Variants in SOX6 observed in about 807,000 individuals in gnomAD.
The protein encoded by SOX6 is transcription factor SOX-6.
SOX6 carries 11 observed loss-of-function variants against 97.8 expected under a neutral mutation model. The ratio of observed to expected loss-of-function variants is 0.11; its 90% CI spans 0.07 to 0.19. The LOEUF (loss-of-function observed/expected upper bound fraction) is 0.19. Among genes scored for constraint, SOX6 ranks in the 10% least tolerant of loss-of-function variants. The pLI, the probability that SOX6 is intolerant of heterozygous loss-of-function variation, is 1.00. For missense variants in SOX6, 810 were observed against 1,039.5 expected (o/e 0.78, Z 3.04); for synonymous variants, 360 against 371.4 (o/e 0.97, Z 0.35).
At chr11:16,733,585 G>T (rs1221884262) in intron 2 of SOX6, among the ~76,000 whole-genome samples, 1 of 151,556 alleles carries the variant, frequency 6.6e-6, no homozygotes, top group African/African-American at 2.4e-5. Flanking sequence ...TTGGGGGTGG[G>T]GGGCTAGGGG....
intron 15 of SOX6, among the ~76,000 whole-genome samples, chr11:15,975,792 T>C (rs541681179): frequency 4.2e-4 from 64 of 152,058 alleles, no homozygotes; most frequent in African/African-American, 1.5e-3. Flanking sequence ...CCCTAGCACA[T>C]ATCAAGATCA....
intron 4 of SOX6, among the ~76,000 whole-genome samples, chr11:16,556,469 A>G (rs1847750192): frequency 6.6e-6 from 1 of 151,820 alleles, no homozygotes; most frequent in Non-Finnish European, 1.5e-5. Flanking sequence ...ATATTCAAAT[A>G]CAATTAAAAG....
chr11:16,661,715 T>A (rs1481470548), intron 3 of SOX6, among the ~76,000 whole-genome samples: 1 of 152,008 alleles, frequency 6.6e-6, no homozygotes, highest in South Asian at 2.1e-4. Context: ...GTGCAGCTAA[T>A]TTTTTTTACT....
At chr11:16,237,044 T>G (rs1391392390) in intron 3 of SOX6, among the ~76,000 whole-genome samples, 1 of 151,870 alleles carries the variant, frequency 6.6e-6, no homozygotes, top group Non-Finnish European at 1.5e-5. Context: ...ATGAAAATAT[T>G]TAATAGCAAC....
intron 3 of SOX6, among the ~76,000 whole-genome samples, chr11:16,614,101 A>T (rs1401657876): frequency 6.6e-6 from 1 of 152,220 alleles, no homozygotes; most frequent in Non-Finnish European, 1.5e-5. Context: ...CGGGCCAAAG[A>T]GTCTGCAGCT....
At chr11:16,025,208 C>A (rs563125194) in intron 12 of SOX6, among the ~76,000 whole-genome samples, 1 of 152,220 alleles carries the variant, frequency 6.6e-6, no homozygotes, top group East Asian at 1.9e-4. Flanking sequence ...TTAAGCAAAT[C>A]CAGTTGTGTG....
chr11:16,531,005 T>C (rs998238359), intron 4 of SOX6, among the ~76,000 whole-genome samples: 6 of 146,328 alleles, frequency 4.1e-5, no homozygotes, highest in South Asian at 4.2e-4. Context: ...AAAATATATA[T>C]ATTCCTCTAT....
intron 6 of SOX6, among the ~76,000 whole-genome samples, chr11:16,161,067 G>T (rs970172231): frequency 4.6e-5 from 7 of 151,976 alleles, no homozygotes; most frequent in Non-Finnish European, 7.4e-5. Flanking sequence ...AAAAAAAAGT[G>T]GGGGAGGGTG....
rs148334321 is a variant in SOX6, at chr11:16,364,747, G to A, written c.-4-23495C>T. Among the ~76,000 whole-genome samples the A allele has an allele frequency of 4.6e-5, 7 of 152,214 alleles. No homozygotes were observed. The East Asian group carries it at 7.7e-4, about 17-fold the overall frequency. ...ACTCAGAATGACTATGTATTTCAGA[G>A]GCCAGGAAGCTATCTTGTAAATCCA... On this transcript the variant is annotated intron_variant, in intron 1 of 15. Coordinates refer to the SOX6 transcript ENST00000396356.
intron 3 of SOX6, among the ~76,000 whole-genome samples, chr11:16,636,702 G>T (rs1848795499): frequency 6.6e-6 from 1 of 152,134 alleles, no homozygotes; most frequent in Admixed American, 6.5e-5. Context: ...GTTGTGGGAG[G>T]GACCTGGTGG....
chr11:16,734,733 T>A (rs1366143561), intron 2 of SOX6, among the ~76,000 whole-genome samples: 1 of 152,214 alleles, frequency 6.6e-6, no homozygotes, highest in Non-Finnish European at 1.5e-5. Context: ...ACCTCACCGA[T>A]TCATATATTA....
intron 4 of SOX6, among the ~76,000 whole-genome samples, chr11:16,580,587 G>A (rs917206462): frequency 1.3e-5 from 2 of 152,152 alleles, no homozygotes; most frequent in East Asian, 3.9e-4. Context: ...AATCAACCTA[G>A]GTGCTCATCA....
intron 3 of SOX6, among the ~76,000 whole-genome samples, chr11:16,666,884 A>G (rs1047779037): frequency 6.6e-6 from 1 of 152,172 alleles, no homozygotes; most frequent in Non-Finnish European, 1.5e-5. Context: ...TTAAAAGGGC[A>G]AATCTAAGAA....
intron 4 of SOX6, among the ~76,000 whole-genome samples, chr11:16,502,702 G>C (rs1590225756): frequency 6.6e-6 from 1 of 152,080 alleles, no homozygotes; most frequent in East Asian, 1.9e-4. Context: ...AATGAAGGAA[G>C]ACTATGTGAT....
chr11:16,659,108 G>A (rs976747057), intron 3 of SOX6, among the ~76,000 whole-genome samples: 6 of 152,084 alleles, frequency 3.9e-5, no homozygotes, highest in East Asian at 1.9e-4. Context: ...AAAAAATCAC[G>A]GCCAGAGCCA....
chr11:16,607,231 C>G lies in SOX6; in HGVS notation n.609+4850G>C, dbSNP rs1848345200. 6.5e-6 allele frequency: 1 copy of G among 152,950 alleles called. No homozygotes were observed. The highest frequency in any genetic ancestry group is 1.5e-5 in the Non-Finnish European group (1 of 68,702). 9.5% of individuals were successfully genotyped at this position (152,950 alleles called of 1,614,324 possible). A position where few individuals can be genotyped will look rare whatever the true frequency, so the allele number is the denominator to read the frequency against. ...AAGACGCCGGGGGACGGCGGCCCGG[C>G]CCTGGGCTCCTGCCCCCTGCCCCCT... On this transcript the variant is annotated intron_variant and non_coding_transcript_variant, in intron 4 of 5. Coordinates refer to the SOX6 transcript ENST00000524520. This position sits in a 1 kb window ranked among gnomAD's most constrained non-coding sequence, Gnocchi z 6.5.
intron 6 of SOX6, among the ~76,000 whole-genome samples, chr11:16,141,173 G>A (rs1044432792): frequency 3.9e-5 from 6 of 152,020 alleles, no homozygotes; most frequent in Non-Finnish European, 7.4e-5. Context: ...AAATAGTAAA[G>A]GTCATCCTAT....
chr11:16,484,176 G>A, intron 4 of SOX6: 1 of 789,110 alleles, frequency 1.3e-6, no homozygotes, highest in South Asian at 1.3e-5. Context: ...CTCTCCACCT[G>A]GAAATGGTTG....
At chr11:16,565,400 A>G (rs1433097240) in intron 4 of SOX6, among the ~76,000 whole-genome samples, 1 of 152,180 alleles carries the variant, frequency 6.6e-6, no homozygotes. Context: ...AATCTCTTCC[A>G]GAAAACAGAA....
Sources: gnomAD v4.1 joint callset for allele counts (sites outside exome capture counted in the v4.1 genomes callset) on GRCh38, gnomAD v4.1.1 for gene constraint, Gnocchi (gnomAD v3.1) non-coding constraint, MANE v1.5 for transcripts, NCBI Gene and HGNC (gene_info 2026-07-23, HGNC 2026-07-21) for gene names.